Variants in LIPT1 observed in about 807,000 individuals in gnomAD.
The protein encoded by LIPT1 is lipoyltransferase 1, also known as lipoyl amidotransferase LIPT1, mitochondrial.
Under a neutral mutation model 25.1 loss-of-function variants are expected in LIPT1, and 22 were observed. The observed-to-expected ratio is 0.88, with a 90% CI of 0.63 to 1.25. The LOEUF (loss-of-function observed/expected upper bound fraction) is 1.25, where lower values mean the gene tolerates loss of function less well. LIPT1 is among the 50% of genes most tolerant of loss of function. The pLI is 0.00. For missense variants in LIPT1, 399 were observed against 432.8 expected, an observed-to-expected ratio of 0.92 and a Z score of 0.69; for synonymous variants, 131 against 150.8, an observed-to-expected ratio of 0.87 and a Z score of 0.96.
At chr2:99,160,065 T>C (rs925094770) in intron 1 of LIPT1, among the ~76,000 whole-genome samples, 8 of 152,212 alleles carry the variant, frequency 5.3e-5, no homozygotes, top group African/African-American at 1.4e-4. Context: ...GTGATGAAAA[T>C]ATGAAGACTC....
At chr2:99,160,207 G>A (rs576913478) in intron 1 of LIPT1, among the ~76,000 whole-genome samples, 300 of 152,234 alleles carry the variant, frequency 2.0e-3, no homozygotes, top group Middle Eastern at 3.4e-3. Context: ...AGGAGTTCAA[G>A]ATCAACCTAG....
Position 99,162,103 on chromosome 2 carries a change from A to T in LIPT1, c.146A>T (p.Asp49Val). Residue 49 changes from aspartate (D) to valine (V), a missense_variant, in exon 2 of 2, where the codon GAC becomes GTC. Physicochemically the swap from Asp to Val is radical, Grantham distance 152 (BLOSUM62 -3). Transcript: ENST00000651691. ...GTCTATCAAAATCTGGCTGTGGAAGACTGGATCCATGACCATATGAATCTA... is the reference window on the plus strand; with the variant it reads ...GTCTATCAAAATCTGGCTGTGGAAGTCTGGATCCATGACCATATGAATCTA... Reference protein sequence around the residue: ...NDVYQNLAVEDWIHDHMNLEG... With the variant: ...NDVYQNLAVEVWIHDHMNLEG... 1 of 1,614,160 alleles carries T rather than the reference A, an allele frequency of 6.2e-7. No individual in the cohort carries two copies. The highest frequency in any genetic ancestry group is 8.5e-7 in the Non-Finnish European group (1 of 1,180,012).
chr2:99,155,353 C>G (rs1041136652), intron 1 of LIPT1: 4 of 387,264 alleles, frequency 1.0e-5, no homozygotes, highest in African/African-American at 8.4e-5. Flanking sequence ...TGCACACGAC[C>G]GTAATGAGAT....
rs745982392 is a variant in LIPT1, at chr2:99,162,659, G to A, written c.702G>A (p.Glu234=). The change falls in exon 2 of 2, where the codon GAG becomes GAA. Residue 234 remains glutamate (E), a synonymous_variant. Transcript: ENST00000651691. ...CEVLMNAVAT[E]YAAYHQIDNH... ...TACTAATGAATGCTGTTGCTACAGAGTATGCTGCTTATCATCAAATTGATA... is the reference window on the plus strand; with the variant it reads ...TACTAATGAATGCTGTTGCTACAGAATATGCTGCTTATCATCAAATTGATA... 3 of 1,614,032 alleles carry A rather than the reference G, an allele frequency of 1.9e-6. No individual in the cohort carries two copies. The highest frequency in any genetic ancestry group is 1.3e-5 in the African/African-American group (1 of 74,938).
Position 99,162,138 on chromosome 2 carries a change from C to T in LIPT1, c.181C>T (p.Pro61Ser). Residue 61 changes from proline to serine, a missense_variant, in exon 2 of 2, where the codon CCA becomes TCA. Pro to Ser is a moderately conservative substitution (Grantham distance 74). Coordinates refer to ENST00000651691, the MANE Select transcript of LIPT1 (RefSeq NM_145199.3). ...TGACCATATGAATCTAGAAGGCAAA[C>T]CAATTCTATTCTTTTGGCAGAATTC... Reference protein sequence around the residue: ...IHDHMNLEGKPILFFWQNSPS... With the variant: ...IHDHMNLEGKSILFFWQNSPS... The T allele has an allele frequency of 6.2e-7, 1 of 1,613,972 alleles. No individual in the cohort carries two copies. Among genetic ancestry groups the T allele is most frequent in the South Asian group, 1.1e-5 (1 of 91,078 alleles).
At chr2:99,160,042 A>G (rs2093776426) in intron 1 of LIPT1, among the ~76,000 whole-genome samples, 2 of 152,244 alleles carry the variant, frequency 1.3e-5, no homozygotes, top group African/African-American at 4.8e-5. Context: ...TTAGTTTATA[A>G]ACTACAACAA....
intron 1 of LIPT1, 188 bp downstream of exon 1, chr2:99,155,239 G>A (rs150745827): frequency 5.4e-6 from 2 of 371,594 alleles, no homozygotes; most frequent in African/African-American, 4.2e-5. Context: ...TTCACTGTTA[G>A]GAACGGTTGA....
chr2:99,155,627 A>T (rs1226921520), intron 1 of LIPT1: 1 of 435,604 alleles, frequency 2.3e-6, no homozygotes, highest in African/African-American at 2.0e-5. Context: ...ATTTTGAAGG[A>T]ACAAAATTTA....
rs759697568 is a variant in LIPT1 at position 99,162,978 on chromosome 2, A to G, written c.1021A>G (p.Thr341Ala). Residue 341 changes from threonine (T) to alanine (A), a missense_variant, in exon 2 of 2, where the codon ACT (threonine) becomes GCT (alanine). Thr to Ala is a moderately conservative substitution (Grantham distance 58). Transcript: ENST00000651691. ...TGGCAGTAAGTTTTGCCCAACTGAA[A>G]CTACCATGCTAACAAATATATTACT... ...LIGSKFCPTE[T>A]TMLTNILLRT... 1 of 1,613,814 alleles carries G rather than the reference A, an allele frequency of 6.2e-7. No homozygotes were observed. The highest frequency in any genetic ancestry group is 8.5e-7 in the Non-Finnish European group (1 of 1,179,870).
chr2:99,155,682 A>G (rs1232330526), intron 1 of LIPT1: 2 of 384,680 alleles, frequency 5.2e-6, no homozygotes, highest in African/African-American at 4.2e-5. Context: ...ACTGTGAAAT[A>G]TCCTGAAATA....
intron 1 of LIPT1, among the ~76,000 whole-genome samples, chr2:99,159,399 TCTCTC>T (rs939198083): frequency 1.3e-5 from 2 of 151,396 alleles, no homozygotes; most frequent in Non-Finnish European, 2.9e-5. Flanking sequence ...TCCATCCCCT[TCTCTC>T]TCTCTCTCTC....
In LIPT1 at chr2:99,162,839, G is replaced by A; in HGVS notation, c.882G>A (p.Leu294=). 1 of 1,613,428 alleles carries A rather than the reference G, an allele frequency of 6.2e-7. No homozygotes were observed. Among genetic ancestry groups the A allele is most frequent in the South Asian group, 1.1e-5 (1 of 91,032 alleles). ...SFHVLYEQSH[L]EIKVFIDIKN... is the part of the protein sequence containing the mutation. ...ATGTGTTATATGAACAGTCACACTT[G>A]GAAATTAAAGTATTCATAGACATAA... Residue 294 remains leucine (L), a synonymous_variant, in exon 2 of 2, where the codon TTG becomes TTA. Coordinates refer to ENST00000651691, the MANE Select transcript of LIPT1 (RefSeq NM_145199.3).
At chr2:99,161,677 GAA>G in intron 1 of LIPT1, 1 of 241,794 alleles carries the variant, frequency 4.1e-6, no homozygotes, top group South Asian at 8.3e-5. Context: ...GTCTGTAAGA[GAA>G]AAAAAAAAGA....
At chr2:99,157,301 G>C (rs565697560) in intron 1 of LIPT1, among the ~76,000 whole-genome samples, 2 of 152,190 alleles carry the variant, frequency 1.3e-5, no homozygotes, top group African/African-American at 4.8e-5. Flanking sequence ...CTCCTTTAAG[G>C]CTGCCCCTAC....
At chr2:99,158,886 G>A (rs1198068319) in intron 1 of LIPT1, among the ~76,000 whole-genome samples, 3 of 152,158 alleles carry the variant, frequency 2.0e-5, no homozygotes, top group Non-Finnish European at 4.4e-5. Context: ...CCACTAGATT[G>A]TGGAGGTACT....
intron 1 of LIPT1, among the ~76,000 whole-genome samples, chr2:99,157,467 C>G (rs2093763064): frequency 6.6e-6 from 1 of 152,202 alleles, no homozygotes; most frequent in South Asian, 2.1e-4. Context: ...ACTGCCCTAG[C>G]TTTTCCACTT....
intron 1 of LIPT1, among the ~76,000 whole-genome samples, chr2:99,160,149 A>G (rs144971333): frequency 0.011 from 1,634 of 152,304 alleles, 9 homozygotes; most frequent in Middle Eastern, 0.027. Flanking sequence ...GCCCATGCCT[A>G]TAATCCCAGC....
intron 1 of LIPT1, among the ~76,000 whole-genome samples, chr2:99,158,721 T>G (rs1023919273): frequency 1.3e-5 from 2 of 152,222 alleles, no homozygotes; most frequent in Non-Finnish European, 2.9e-5. Flanking sequence ...CTGTTGCACA[T>G]TGTTAGAATT....
chr2:99,162,549 C>T lies in LIPT1; in HGVS notation c.592C>T (p.Gln198Ter), dbSNP rs775525668. 1.2e-6 allele frequency: 2 copies of T among 1,614,120 alleles called. No individual in the cohort carries two copies. Among genetic ancestry groups the T allele is most frequent in the South Asian group, 2.2e-5 (2 of 91,080 alleles). ...GTCTTCTTTGCTAAAGAGCCCTTAC[C>T]AAGGGATCAGGAGCAATGCCACTGC... ...FLSSLLKSPY[Q>*]GIRSNATASI... The change falls in exon 2 of 2, where the codon CAA (glutamine) becomes TAA (stop). Residue 198 changes from glutamine to a stop codon, truncating the protein, a stop_gained. Transcript: ENST00000651691. LOFTEE classifies it high-confidence loss of function.
Sources: gnomAD v4.1 joint callset for allele counts (sites outside exome capture counted in the v4.1 genomes callset) on GRCh38, gnomAD v4.1.1 for gene constraint, MANE v1.5 for transcripts, NCBI Gene and HGNC (gene_info 2026-07-23, HGNC 2026-07-21) for gene names.